The following PTPRD variants were observed in gnomAD, a reference collection of about 807,000 sequenced individuals.
The protein encoded by PTPRD is receptor-type tyrosine-protein phosphatase delta.
PTPRD carries 34 observed loss-of-function variants against 214.5 expected under a neutral mutation model. That is an observed-to-expected ratio of 0.16 (90% confidence interval 0.12 to 0.21). PTPRD has a LOEUF of 0.21. Ranked by LOEUF, PTPRD falls within the 10% of genes least tolerant of loss-of-function variation. The pLI is 1.00. For synonymous variants in PTPRD, 1,128 were observed against 845.7 expected, an observed-to-expected ratio of 1.33 and a Z score of -5.79; for missense variants, 2,545 against 2,398.7, an observed-to-expected ratio of 1.06 and a Z score of -1.27.
At chr9:10,071,975 C>T (rs965020629) in intron 3 of PTPRD, among the ~76,000 whole-genome samples, 4 of 151,562 alleles carry the variant, frequency 2.6e-5, no homozygotes, top group African/African-American at 7.3e-5. Context: ...TGTGTATTTG[C>T]TACTTAGCAC....
intron 3 of PTPRD, among the ~76,000 whole-genome samples, chr9:10,155,821 T>C (rs911823752): frequency 2.6e-5 from 4 of 152,132 alleles, no homozygotes; most frequent in African/African-American, 9.7e-5. Flanking sequence ...ATAAGCTTTT[T>C]TAATGTGCTG....
chr9:10,612,208 C>CAAAAAAAA (rs35311745), intron 2 of PTPRD, among the ~76,000 whole-genome samples, 190 bp downstream of exon 2: 5 of 126,758 alleles, frequency 3.9e-5, no homozygotes, highest in Admixed American at 8.3e-5. Context: ...AGGGCTCTTC[C>CAAAAAAAA]AAAAAAAAAA....
In PTPRD at chr9:10,155,251, G is replaced by A. The variant is rs530806835; in HGVS notation, c.-544-121461C>T. 5.3e-5 allele frequency among the ~76,000 whole-genome samples: 8 copies of A among 151,720 alleles called. No homozygotes were observed. The South Asian group carries it at 6.2e-4, about 12-fold the overall frequency. ...TTCCTGATTTGGTTCTCAGTTTGAC[G>A]GTTATTGGCATATTGGAATGCTGGT... On this transcript the variant is annotated intron_variant, in intron 3 of 45. Coordinates refer to ENST00000381196, the MANE Select transcript of PTPRD (RefSeq NM_002839.4).
chr9:9,887,547 C>A (rs1160045959), intron 5 of PTPRD, among the ~76,000 whole-genome samples: 2 of 152,272 alleles, frequency 1.3e-5, no homozygotes, highest in South Asian at 4.1e-4. Context: ...GGCAGAACAA[C>A]ATTAGATGTT....
chr9:8,362,800 T>A (rs561388746), intron 39 of PTPRD, among the ~76,000 whole-genome samples: 1 of 152,334 alleles, frequency 6.6e-6, no homozygotes, highest in South Asian at 2.1e-4. Context: ...ATAACTTCAG[T>A]CAAGTGAGTG....
chr9:10,413,599 A>T (rs2154513039), intron 2 of PTPRD, among the ~76,000 whole-genome samples: 1 of 152,120 alleles, frequency 6.6e-6, no homozygotes, highest in Admixed American at 6.6e-5. Context: ...AAAGAACTAG[A>T]AAAACTATTT....
chr9:10,470,840 G>A (rs1463937294), intron 2 of PTPRD, among the ~76,000 whole-genome samples: 1 of 151,928 alleles, frequency 6.6e-6, no homozygotes, highest in East Asian at 1.9e-4. Context: ...AGAAAGATAT[G>A]AAATAAAATT....
chr9:9,204,337 T>C (rs1438677356), intron 9 of PTPRD, among the ~76,000 whole-genome samples: 1 of 152,170 alleles, frequency 6.6e-6, no homozygotes, highest in African/African-American at 2.4e-5. Context: ...TTACTAATTT[T>C]TTTCCTTGGA....
rs547666023 is a variant in PTPRD, at chr9:9,211,337, A to G, written c.-202-27974T>C. ...TCAGTATACTCATCTTTAAAATGAGAGTGATAATAGGTCTTGTGTCCTAAG... is the reference window on the plus strand; with the variant it reads ...TCAGTATACTCATCTTTAAAATGAGGGTGATAATAGGTCTTGTGTCCTAAG... On this transcript the variant is annotated intron_variant, in intron 9 of 45. Coordinates refer to ENST00000381196, the MANE Select transcript of PTPRD (RefSeq NM_002839.4). 7.6e-4 allele frequency among the ~76,000 whole-genome samples: 116 copies of G among 152,162 alleles called. 1 individual carries two copies. Among genetic ancestry groups the G allele is most frequent in the Non-Finnish European group, 1.4e-3 (97 of 68,030 alleles).
At chr9:9,494,046 G>C (rs1458217944) in intron 8 of PTPRD, among the ~76,000 whole-genome samples, 1 of 152,128 alleles carries the variant, frequency 6.6e-6, no homozygotes, top group Non-Finnish European at 1.5e-5. Context: ...GAAGACTTCA[G>C]TGGAGTAAGG....
At chr9:10,321,581 A>G (rs1254540710) in intron 3 of PTPRD, among the ~76,000 whole-genome samples, 1 of 152,086 alleles carries the variant, frequency 6.6e-6, no homozygotes, top group African/African-American at 2.4e-5. Context: ...CAATGAAACG[A>G]TTTTGAAGGG....
intron 7 of PTPRD, among the ~76,000 whole-genome samples, chr9:9,593,336 G>C (rs963076718): frequency 6.6e-6 from 1 of 151,450 alleles, no homozygotes; most frequent in South Asian, 2.1e-4. Flanking sequence ...ATTGCAGAAG[G>C]AGTAAGAAAT....
At chr9:10,460,020 T>C (rs1340544316) in intron 2 of PTPRD, among the ~76,000 whole-genome samples, 2 of 152,104 alleles carry the variant, frequency 1.3e-5, no homozygotes, top group Non-Finnish European at 2.9e-5. Flanking sequence ...ACATTCATAA[T>C]GTTGTGTAGT....
At chr9:8,569,644 T>A (rs987695834) in intron 14 of PTPRD, among the ~76,000 whole-genome samples, 2 of 152,102 alleles carry the variant, frequency 1.3e-5, no homozygotes, top group African/African-American at 4.8e-5. Flanking sequence ...ATCGATTCCT[T>A]TTCATTTATC....
chr9:10,251,827 T>G (rs1246199859), intron 3 of PTPRD, among the ~76,000 whole-genome samples: 1 of 152,144 alleles, frequency 6.6e-6, no homozygotes, highest in Non-Finnish European at 1.5e-5. Context: ...ATAGAAATAG[T>G]AGAATGATGG....
At chr9:8,358,201 A>C (rs2077453996) in intron 39 of PTPRD, among the ~76,000 whole-genome samples, 1 of 152,170 alleles carries the variant, frequency 6.6e-6, no homozygotes, top group African/African-American at 2.4e-5. Flanking sequence ...AACGGTTGAA[A>C]GTTACAGCCT....
At chr9:10,368,083 A>C (rs974573903) in intron 2 of PTPRD, among the ~76,000 whole-genome samples, 10 of 152,120 alleles carry the variant, frequency 6.6e-5, no homozygotes, top group African/African-American at 2.4e-4. Context: ...ATAGACAAGC[A>C]TAATTTGAGT....
chr9:10,162,069 G>C (rs1323225801), intron 3 of PTPRD, among the ~76,000 whole-genome samples: 1 of 151,496 alleles, frequency 6.6e-6, no homozygotes, highest in Non-Finnish European at 1.5e-5. Flanking sequence ...GTGGAGAAAG[G>C]GGAACCCTTG....
chr9:9,964,111 G>C (rs10115415), intron 4 of PTPRD, among the ~76,000 whole-genome samples: 36,312 of 152,002 alleles, frequency 0.24, 6,009 homozygotes, highest in African/African-American at 0.48. Context: ...CAGAGACAGA[G>C]AGAGACAGAT....
Sources: gnomAD v4.1 joint callset for allele counts (sites outside exome capture counted in the v4.1 genomes callset) on GRCh38, gnomAD v4.1.1 for gene constraint, MANE v1.5 for transcripts, NCBI Gene and HGNC (gene_info 2026-07-23, HGNC 2026-07-21) for gene names.